SNAP23: variants seen among roughly 807,000 people sequenced by gnomAD.
SNAP23 encodes synaptosome associated protein 23, also known as synaptosomal-associated protein 23.
A neutral mutation model predicts 29.0 loss-of-function variants in SNAP23; 11 were observed. The ratio of observed to expected loss-of-function variants is 0.38; its 90% CI spans 0.24 to 0.63. The LOEUF is 0.63. Ranked by LOEUF, SNAP23 falls within the 20% of genes least tolerant of loss-of-function variation. The pLI, the probability that SNAP23 is intolerant of heterozygous loss-of-function variation, is 0.58. For synonymous variants in SNAP23, 60 were observed against 82.9 expected (o/e 0.72, Z 1.50); for missense variants, 220 against 253.9 (o/e 0.87, Z 0.91).
chr15:42,501,227 C>T (rs1161124825), intron 1 of SNAP23, among the ~76,000 whole-genome samples: 2 of 152,154 alleles, frequency 1.3e-5, no homozygotes, highest in Non-Finnish European at 2.9e-5. Context: ...GTCTTGAAAG[C>T]CATCCCCTGC....
chr15:42,498,897 G>A (rs1008953717), intron 1 of SNAP23, among the ~76,000 whole-genome samples: 14 of 152,134 alleles, frequency 9.2e-5, no homozygotes, highest in African/African-American at 3.4e-4. Flanking sequence ...TACTTTAGGT[G>A]CTTGTAGTAT....
At chr15:42,529,936 C>G (rs1595532899) in intron 7 of SNAP23, 117 bp downstream of exon 7, 1 of 1,095,256 alleles carries the variant, frequency 9.1e-7, no homozygotes, top group Admixed American at 2.4e-5. Context: ...CCTCATAGGT[C>G]TTAATTCTGA....
chr15:42,528,623 T>C (rs1439824250), intron 6 of SNAP23, among the ~76,000 whole-genome samples: 1 of 152,228 alleles, frequency 6.6e-6, no homozygotes. Context: ...TCTTGCTGTG[T>C]TGCCCAGGCT....
Position 42,528,252 on chromosome 15 carries a change from T to C in SNAP23, c.267-10T>C, listed in dbSNP as rs762945028. The C allele has an allele frequency of 4.3e-6, 7 of 1,613,392 alleles. No individual in the cohort carries two copies. The highest frequency in any genetic ancestry group is 5.9e-6 in the Non-Finnish European group (7 of 1,179,416). On this transcript the variant is annotated splice_polypyrimidine_tract_variant and intron_variant, in intron 5 of 7. Transcript: ENST00000249647. ...TTTGGTATCTCCCTACACTCCTGAC[T>C]CTTATATAGAACAAAGAACTTTGAG...
intron 5 of SNAP23, among the ~76,000 whole-genome samples, chr15:42,520,773 C>T (rs1567047228): frequency 1.3e-5 from 2 of 152,204 alleles, no homozygotes. Flanking sequence ...GGATTACAGG[C>T]GTGAGCCACC....
chr15:42,496,546 A>ATC (rs903920577), intron 1 of SNAP23, among the ~76,000 whole-genome samples: 38 of 152,146 alleles, frequency 2.5e-4, no homozygotes, highest in Admixed American at 2.2e-3. Flanking sequence ...ATGAAATCCC[A>ATC]TCTCTACTAA....
Position 42,496,273 on chromosome 15 carries a change from G to A in SNAP23, c.-15+560G>A, listed in dbSNP as rs986335720. ...TTCTTCTTTAATCAGTCACCACAAT[G>A]TTAGGAAAGGCAGTTGATGGTAGGA... is the stretch of plus-strand genomic sequence containing the variant. On this transcript the variant is annotated intron_variant, in intron 1 of 7. Coordinates refer to ENST00000249647, the MANE Select transcript of SNAP23 (RefSeq NM_003825.4). Among the ~76,000 whole-genome samples the A allele has an allele frequency of 2.0e-5, 3 of 152,130 alleles. No homozygotes were observed. In the East Asian group the frequency reaches 5.8e-4, roughly 29 times the overall value.
At chr15:42,503,102 CTGAT>C (rs113639975) in intron 1 of SNAP23, among the ~76,000 whole-genome samples, 59 of 151,942 alleles carry the variant, frequency 3.9e-4, no homozygotes, top group Admixed American at 1.0e-3. Flanking sequence ...TTTTTGGTTC[CTGAT>C]TTTTAGTGGG....
At chr15:42,528,096 C>G (rs368445027) in intron 5 of SNAP23, 166 bp from the exon 6 acceptor site, 3 of 562,458 alleles carry the variant, frequency 5.3e-6, no homozygotes, top group Non-Finnish European at 9.3e-6. Context: ...TCATCTATTT[C>G]CTATTCCATA....
intron 5 of SNAP23, chr15:42,521,404 TG>T: frequency 1.0e-6 from 1 of 957,628 alleles, no homozygotes; most frequent in Non-Finnish European, 1.2e-6. Flanking sequence ...AAAAATGAAA[TG>T]TGCTCTGGTT....
intron 1 of SNAP23, among the ~76,000 whole-genome samples, chr15:42,510,672 A>G (rs2057352418): frequency 6.6e-6 from 1 of 152,288 alleles, no homozygotes; most frequent in Non-Finnish European, 1.5e-5. Context: ...CAAAGATAAA[A>G]TCTCTGCCTT....
In SNAP23 at chr15:42,511,826, C is replaced by T. The variant is rs200992797; in HGVS notation, c.-14-7C>T. The T allele has an allele frequency of 3.6e-4, 552 of 1,546,894 alleles. 4 individuals are homozygous for T. The highest frequency in any genetic ancestry group is 7.2e-5 in the Non-Finnish European group (82 of 1,134,936). ...AATATCCACATTTCCATTTCTGTGC[C>T]TAATAGAGTTTTGATTCATCATGGA... On this transcript the variant is annotated splice_region_variant and splice_polypyrimidine_tract_variant and intron_variant, in intron 1 of 7. Transcript: ENST00000249647.
intron 1 of SNAP23, among the ~76,000 whole-genome samples, chr15:42,505,967 C>CA (rs1395045933): frequency 6.7e-6 from 1 of 149,578 alleles, no homozygotes; most frequent in Non-Finnish European, 1.5e-5. Context: ...TTTTTTGAGA[C>CA]AGAGTCTTGC....
chr15:42,496,545 C>T (rs2057221383), intron 1 of SNAP23, among the ~76,000 whole-genome samples: 1 of 151,966 alleles, frequency 6.6e-6, no homozygotes, highest in South Asian at 2.1e-4. Context: ...GATGAAATCC[C>T]ATCTCTACTA....
intron 4 of SNAP23, among the ~76,000 whole-genome samples, chr15:42,514,690 A>C (rs2057384274): frequency 6.7e-6 from 1 of 148,844 alleles, no homozygotes; most frequent in Non-Finnish European, 1.5e-5. Flanking sequence ...TGGTCCTACT[A>C]TACAAGATTC....
At chr15:42,511,389 T>G (rs1567044366) in intron 1 of SNAP23, among the ~76,000 whole-genome samples, 1 of 152,240 alleles carries the variant, frequency 6.6e-6, no homozygotes, top group Non-Finnish European at 1.5e-5. Context: ...ATGTTTCCTG[T>G]GTTCTTCAGG....
chr15:42,527,061 C>G (rs1056423129), intron 5 of SNAP23, among the ~76,000 whole-genome samples: 1 of 152,148 alleles, frequency 6.6e-6, no homozygotes, highest in Admixed American at 6.5e-5. Flanking sequence ...TGGTCTTGAA[C>G]TCCTGACCTC....
chr15:42,525,755 C>T (rs1291344028), intron 5 of SNAP23, among the ~76,000 whole-genome samples: 1 of 151,990 alleles, frequency 6.6e-6, no homozygotes, highest in African/African-American at 2.4e-5. Flanking sequence ...AATCACCGCA[C>T]CCGGCCAAGA....
Position 42,513,384 on chromosome 15 carries a change from C to G in SNAP23, c.100-15C>G, listed in dbSNP as rs558225693. On this transcript the variant is annotated splice_polypyrimidine_tract_variant and intron_variant, in intron 3 of 7. Transcript: ENST00000249647. ...TTGTTTTGTTGTACTATCAGCTTTT[C>G]CCCCCTTGTCTTAGTCTCAGGATGC... 5 of 1,611,052 alleles carry G rather than the reference C, an allele frequency of 3.1e-6. No homozygotes were observed. The highest frequency in any genetic ancestry group is 3.3e-4 in the Middle Eastern group (2 of 6,054).
Sources: allele counts gnomAD v4.1 joint callset (sites outside exome capture counted in the v4.1 genomes callset), GRCh38; gene constraint gnomAD v4.1.1; transcripts MANE v1.5; gene names NCBI Gene and HGNC (gene_info 2026-07-23, HGNC 2026-07-21).